FTO: variants seen among roughly 807,000 people sequenced by gnomAD.
FTO encodes FTO alpha-ketoglutarate dependent dioxygenase.
In FTO, 47 loss-of-function variants were observed where a neutral mutation model predicts 63.9. That is an observed-to-expected ratio of 0.74 (90% CI 0.58 to 0.94). The LOEUF is 0.94. FTO is among the 40% of genes least tolerant of loss of function. The pLI, the probability that FTO is intolerant of heterozygous loss-of-function variation, is 0.00. For missense variants in FTO, 562 were observed against 618.1 expected, an observed-to-expected ratio of 0.91 and a Z score of 0.96; for synonymous variants, 207 against 224.4, an observed-to-expected ratio of 0.92 and a Z score of 0.69.
At chr16:53,891,645 A>G (rs1336335092) in intron 7 of FTO, among the ~76,000 whole-genome samples, 1 of 152,224 alleles carries the variant, frequency 6.6e-6, no homozygotes, top group African/African-American at 2.4e-5. Flanking sequence ...TGGGTGACAG[A>G]GTGAGACCTT....
At chr16:53,951,650 C>T (rs890641498) in intron 8 of FTO, among the ~76,000 whole-genome samples, 1 of 151,726 alleles carries the variant, frequency 6.6e-6, no homozygotes, top group Non-Finnish European at 1.5e-5. Context: ...AAATCATGCA[C>T]TCTATTATTA....
At chr16:53,849,169 C>T (rs942087734) in intron 4 of FTO, among the ~76,000 whole-genome samples, 12 of 152,148 alleles carry the variant, frequency 7.9e-5, no homozygotes, top group Non-Finnish European at 1.5e-4. Context: ...CCAGACTCAC[C>T]GCATTGTCAA....
At chr16:53,768,605 T>C (rs1188331190) in intron 1 of FTO, among the ~76,000 whole-genome samples, 4 of 152,168 alleles carry the variant, frequency 2.6e-5, no homozygotes, top group Non-Finnish European at 5.9e-5. Flanking sequence ...CTTGGTGGGA[T>C]GGATAGGCAG....
At chr16:54,101,730 G>A (rs2086646951) in intron 8 of FTO, among the ~76,000 whole-genome samples, 1 of 152,122 alleles carries the variant, frequency 6.6e-6, no homozygotes, top group African/African-American at 2.4e-5. Flanking sequence ...GCTCTTTCGG[G>A]AATTGCTATA....
chr16:54,074,651 ATT>A (rs1247118899), intron 8 of FTO, among the ~76,000 whole-genome samples: 5 of 151,972 alleles, frequency 3.3e-5, no homozygotes, highest in African/African-American at 9.7e-5. Flanking sequence ...GTTGTTTCCT[ATT>A]TTTTTCCCTA....
At chr16:53,733,544 G>A (rs1659814732) in intron 1 of FTO, among the ~76,000 whole-genome samples, 2 of 152,164 alleles carry the variant, frequency 1.3e-5, no homozygotes, top group Admixed American at 6.5e-5. Context: ...ATTCTTCTCA[G>A]TTAAGTTTAT....
intron 7 of FTO, among the ~76,000 whole-genome samples, chr16:53,909,726 G>A (rs1368097255): frequency 1.3e-5 from 2 of 151,496 alleles, no homozygotes; most frequent in East Asian, 3.9e-4. Context: ...ACCACGCTCG[G>A]CTAATTTTTG....
At chr16:54,103,960 G>A (rs1180892412) in intron 8 of FTO, among the ~76,000 whole-genome samples, 1 of 152,108 alleles carries the variant, frequency 6.6e-6, no homozygotes, top group Non-Finnish European at 1.5e-5. Flanking sequence ...GCTTAAGGTA[G>A]GCATCATGGA....
intron 1 of FTO, among the ~76,000 whole-genome samples, chr16:53,784,237 G>A (rs1479907759): frequency 6.6e-6 from 1 of 152,144 alleles, no homozygotes; most frequent in Non-Finnish European, 1.5e-5. Context: ...TATACTTGCT[G>A]TCTGTACATT....
At chr16:53,941,425 A>G (rs1473400123) in intron 8 of FTO, among the ~76,000 whole-genome samples, 1 of 152,234 alleles carries the variant, frequency 6.6e-6, no homozygotes, top group African/African-American at 2.4e-5. Context: ...ATTTTGATAG[A>G]AGCTTAAAAA....
chr16:53,946,636 C>T (rs1392900380), intron 8 of FTO, among the ~76,000 whole-genome samples: 2 of 152,106 alleles, frequency 1.3e-5, no homozygotes, highest in Non-Finnish European at 2.9e-5. Flanking sequence ...GTCATATCTA[C>T]AAGGAAGGCT....
chr16:53,714,451 C>T (rs2151473014), intron 1 of FTO, among the ~76,000 whole-genome samples: 2 of 152,230 alleles, frequency 1.3e-5, no homozygotes, highest in Non-Finnish European at 2.9e-5. Context: ...TCACTATTTT[C>T]CAGTTTGCCA....
intron 1 of FTO, among the ~76,000 whole-genome samples, chr16:53,802,388 T>C (rs904819709): frequency 1.3e-5 from 2 of 152,160 alleles, no homozygotes; most frequent in African/African-American, 4.8e-5. Flanking sequence ...TTTTCAGCAA[T>C]ATTTTTTATC....
intron 1 of FTO, among the ~76,000 whole-genome samples, chr16:53,736,589 A>G (rs887313296): frequency 2.0e-5 from 3 of 152,260 alleles, no homozygotes; most frequent in South Asian, 2.1e-4. Flanking sequence ...CACAGTTGCA[A>G]TAGTCTCAGA....
chr16:53,907,849 A>G (rs1453986405), intron 7 of FTO, among the ~76,000 whole-genome samples: 2 of 152,150 alleles, frequency 1.3e-5, no homozygotes. Context: ...TCCTCAGTCC[A>G]GACTCCCTTG....
intron 5 of FTO, among the ~76,000 whole-genome samples, chr16:53,877,353 A>T (rs1460245428): frequency 6.6e-6 from 1 of 152,228 alleles, no homozygotes; most frequent in Non-Finnish European, 1.5e-5. Context: ...GTTGAATATT[A>T]TTGGGCATTG....
rs1453473642 is a variant in FTO, at chr16:54,120,397, C to T, written c.*8482C>T. ...GGAATGTCAGACTCTGCTAGCAACA[C>T]AAGGTCCCTGTCCTCAAAATCCTAT... On this transcript the variant is annotated 3_prime_UTR_variant, in exon 9 of 9. Transcript: ENST00000471389. 6.6e-6 allele frequency: 1 copy of T among 152,262 alleles called. No individual in the cohort carries two copies. The highest frequency in any genetic ancestry group is 1.5e-5 in the Non-Finnish European group (1 of 68,062). 9.4% of individuals were successfully genotyped at this position (152,262 alleles called of 1,614,324 possible).
chr16:53,936,840 G>C (rs2082401729), intron 8 of FTO, among the ~76,000 whole-genome samples: 1 of 152,170 alleles, frequency 6.6e-6, no homozygotes, highest in African/African-American at 2.4e-5. Context: ...AAGAAATTTA[G>C]GTCAACGGAG....
At chr16:53,841,240 C>T (rs962277389) in intron 3 of FTO, among the ~76,000 whole-genome samples, 2 of 151,090 alleles carry the variant, frequency 1.3e-5, no homozygotes, top group African/African-American at 4.9e-5. Flanking sequence ...CCGCAACCAG[C>T]CAATCAGTCA....
Sources: allele counts gnomAD v4.1 joint callset (sites outside exome capture counted in the v4.1 genomes callset), GRCh38; gene constraint gnomAD v4.1.1; transcripts MANE v1.5; gene names NCBI Gene and HGNC (gene_info 2026-07-23, HGNC 2026-07-21).